The following GPAT4 variants were observed in gnomAD, a reference collection of about 807,000 sequenced individuals.
GPAT4 encodes glycerol-3-phosphate acyltransferase 4.
GPAT4 carries 17 observed loss-of-function variants against 58.0 expected under a neutral mutation model. That is an observed-to-expected ratio of 0.29 (90% CI 0.20 to 0.44). The LOEUF is 0.44. GPAT4 is among the 20% of genes least tolerant of loss of function. The probability of loss-of-function intolerance (pLI) is 1.00; values close to 1 mark genes in which losing one functional copy is unlikely to be tolerated. For missense variants in GPAT4, 377 were observed against 574.5 expected (o/e 0.66, Z 3.51); for synonymous variants, 204 against 210.1 (o/e 0.97, Z 0.25).
intron 10 of GPAT4, among the ~76,000 whole-genome samples, chr8:41,615,557 G>A (rs544815700): frequency 6.6e-6 from 1 of 152,094 alleles, no homozygotes; most frequent in African/African-American, 2.4e-5. Flanking sequence ...ATGGACCCTG[G>A]GAGTTTATCT....
chr8:41,609,367 A>C (rs1378822599), intron 2 of GPAT4, 49 bp from the exon 3 acceptor site: 2 of 1,571,656 alleles, frequency 1.3e-6, no homozygotes, highest in Admixed American at 1.7e-5. Context: ...TCACTGATTG[A>C]AAACAGGTCT....
Position 41,599,061 on chromosome 8 carries a change from G to T in GPAT4, c.-79G>T. 6.6e-7 allele frequency: 1 copy of T among 1,521,758 alleles called. No homozygotes were observed. The highest frequency in any genetic ancestry group is 8.8e-7 in the Non-Finnish European group (1 of 1,135,970). The allele number at this position is 1,521,758 out of a possible 1,614,324, so 94.3% of individuals were successfully genotyped here. ...GGAACTTGCTTCCTTTCCCTGGCTG[G>T]TGCTGTCAGGAAGGACCATCTGAAG... On this transcript the variant is annotated 5_prime_UTR_variant, in exon 2 of 13. Coordinates refer to ENST00000396987, the MANE Select transcript of GPAT4 (RefSeq NM_178819.4).
At chr8:41,580,237 A>G (rs554509116) in intron 1 of GPAT4, among the ~76,000 whole-genome samples, 1 of 152,372 alleles carries the variant, frequency 6.6e-6, no homozygotes, top group African/African-American at 2.4e-5. Context: ...TGACCTTAGA[A>G]GTGGTATACC....
In GPAT4 at chr8:41,620,881, T is replaced by C; in HGVS notation, c.1263-12T>C. On this transcript the variant is annotated splice_polypyrimidine_tract_variant and intron_variant, in intron 12 of 12. Coordinates refer to ENST00000396987, the MANE Select transcript of GPAT4 (RefSeq NM_178819.4). ...TCTTGGCTGTTACTACATCCAGCCT[T>C]TGTCTCTCCAGGGATGGGGGCCTGA... 1 of 1,550,238 alleles carries C rather than the reference T, an allele frequency of 6.5e-7. No homozygotes were observed. The highest frequency in any genetic ancestry group is 8.7e-7 in the Non-Finnish European group (1 of 1,146,934).
intron 5 of GPAT4, among the ~76,000 whole-genome samples, chr8:41,611,503 T>G: frequency 6.6e-6 from 1 of 152,364 alleles, no homozygotes; most frequent in African/African-American, 2.4e-5. Flanking sequence ...TTTGTCTGTT[T>G]GTGTGAAGAA....
In GPAT4 at chr8:41,624,867, A is replaced by C. The variant is rs1476749627; in HGVS notation, c.*3866A>C. On this transcript the variant is annotated 3_prime_UTR_variant, in exon 13 of 13. Transcript: ENST00000396987. ...GCCGGGGGGTGGGCTTCTCATATGC[A>C]TTCTGGCCGGCCAGCTGCATTGATT... 6.6e-6 allele frequency: 1 copy of C among 152,152 alleles called. No individual in the cohort carries two copies. Among genetic ancestry groups the C allele is most frequent in the African/African-American group, 2.4e-5 (1 of 41,416 alleles). 9.4% of individuals were successfully genotyped at this position (152,152 alleles called of 1,614,324 possible). A position where few individuals can be genotyped will look rare whatever the true frequency, so the allele number is the denominator to read the frequency against.
rs564891534 is a variant in GPAT4 at position 41,585,367 on chromosome 8, C to T, written c.-849+7089C>T. Reference sequence around the variant, plus strand: ...TCAGATGGGCGTGTTAGTCCTGCCTCTGTTACCAGCCATTCCGTAACTTGT... The same window carrying T: ...TCAGATGGGCGTGTTAGTCCTGCCTTTGTTACCAGCCATTCCGTAACTTGT... On this transcript the variant is annotated intron_variant, in intron 1 of 12. Transcript: ENST00000396987. Among the ~76,000 whole-genome samples, 3 of 151,644 alleles carry T rather than the reference C, an allele frequency of 2.0e-5. No homozygotes were observed. The East Asian group carries it at 5.8e-4, about 29-fold the overall frequency.
intron 1 of GPAT4, among the ~76,000 whole-genome samples, chr8:41,581,814 T>C (rs956553796): frequency 3.4e-5 from 5 of 149,166 alleles, no homozygotes; most frequent in African/African-American, 1.2e-4. Flanking sequence ...TTGTATTTTT[T>C]AGTAGAGACA....
In GPAT4 at chr8:41,622,779, T is replaced by G. The variant is rs2150510994; in HGVS notation, c.*1778T>G. 6.6e-6 allele frequency: 1 copy of G among 151,968 alleles called. No homozygotes were observed. Among genetic ancestry groups the G allele is most frequent in the East Asian group, 1.9e-4 (1 of 5,174 alleles). The allele number at this position is 151,968 out of a possible 1,614,324, so 9.4% of individuals were successfully genotyped here. On this transcript the variant is annotated 3_prime_UTR_variant, in exon 13 of 13. Transcript: ENST00000396987. ...TGCCCTGTTGCCAGCCCGGGGGAAA[T>G]CTTTTTGCTCTCAAATGAAGACTGA... is the stretch of plus-strand genomic sequence containing the variant.
intron 1 of GPAT4, among the ~76,000 whole-genome samples, chr8:41,582,085 T>G (rs888325323): frequency 7.2e-6 from 1 of 139,028 alleles, no homozygotes; most frequent in African/African-American, 2.7e-5. Context: ...CTCGGCTCTC[T>G]GCAACCCTCC....
At chr8:41,593,527 A>G (rs1158044468) in intron 1 of GPAT4, among the ~76,000 whole-genome samples, 1 of 152,106 alleles carries the variant, frequency 6.6e-6, no homozygotes, top group African/African-American at 2.4e-5. Context: ...TGTGTGGACC[A>G]CTCAGCCTCA....
intron 1 of GPAT4, among the ~76,000 whole-genome samples, chr8:41,584,148 C>T (rs759808145): frequency 4.6e-5 from 7 of 152,174 alleles, no homozygotes; most frequent in Admixed American, 2.0e-4. Flanking sequence ...CCGCCCACCT[C>T]GGCCTCCCAG....
intron 1 of GPAT4, among the ~76,000 whole-genome samples, chr8:41,580,555 A>T (rs1322337600): frequency 6.6e-6 from 1 of 152,170 alleles, no homozygotes; most frequent in African/African-American, 2.4e-5. Flanking sequence ...TACCCTTAAA[A>T]TGGGGATATT....
intron 1 of GPAT4, among the ~76,000 whole-genome samples, chr8:41,591,056 G>A (rs925788032): frequency 6.6e-6 from 1 of 152,124 alleles, no homozygotes; most frequent in Non-Finnish European, 1.5e-5. Context: ...CTCCCTGAGT[G>A]AGTAATTCCT....
chr8:41,595,350 T>G, intron 1 of GPAT4, among the ~76,000 whole-genome samples: 1 of 105,052 alleles, frequency 9.5e-6, no homozygotes, highest in Non-Finnish European at 2.0e-5. Context: ...TTTTTTTTTT[T>G]TTTACTTAGG....
chr8:41,599,458 G>T (rs185511514), intron 2 of GPAT4, among the ~76,000 whole-genome samples, 154 bp downstream of exon 2: 2 of 152,272 alleles, frequency 1.3e-5, no homozygotes, highest in East Asian at 3.9e-4. Flanking sequence ...ATAACTAAAC[G>T]TCTACTTTTG....
In GPAT4 at chr8:41,618,630, G is replaced by A. The variant is rs547078300; in HGVS notation, c.1054-54G>A. ...CACTCACAGCAGTCACTGTGGACTC[G>A]CAAACGTTGTGAGAACTACTCATGT... On this transcript the variant is annotated intron_variant, in intron 10 of 12. Coordinates refer to ENST00000396987, the MANE Select transcript of GPAT4 (RefSeq NM_178819.4). The A allele has an allele frequency of 1.0e-5, 16 of 1,605,016 alleles. No individual in the cohort carries two copies. The Admixed American group carries it at 1.5e-4, about 15-fold the overall frequency.
chr8:41,607,297 A>G (rs1803305462), intron 2 of GPAT4, among the ~76,000 whole-genome samples: 1 of 152,126 alleles, frequency 6.6e-6, no homozygotes, highest in Non-Finnish European at 1.5e-5. Flanking sequence ...ATGTTCCTGA[A>G]ATTAAAAAGC....
At chr8:41,594,863 G>T (rs182667420) in intron 1 of GPAT4, among the ~76,000 whole-genome samples, 15 of 151,852 alleles carry the variant, frequency 9.9e-5, no homozygotes, top group Admixed American at 6.6e-4. Flanking sequence ...TTTTTTAAAC[G>T]ACCAGTTATT....
Sources: allele counts gnomAD v4.1 joint callset (sites outside exome capture counted in the v4.1 genomes callset), GRCh38; gene constraint gnomAD v4.1.1; transcripts MANE v1.5; gene names NCBI Gene and HGNC (gene_info 2026-07-23, HGNC 2026-07-21).